ANK1: variants seen among roughly 807,000 people sequenced by gnomAD.
ANK1 encodes ankyrin 1.
Under a neutral mutation model 210.4 loss-of-function variants are expected in ANK1, and 51 were observed. The ratio of observed to expected loss-of-function variants is 0.24; its 90% CI spans 0.19 to 0.31. The LOEUF is 0.31. Ranked by LOEUF, ANK1 falls within the 10% of genes least tolerant of loss-of-function variation. The pLI is 1.00. For missense variants in ANK1, 2,051 were observed against 2,504.4 expected, an observed-to-expected ratio of 0.82 and a Z score of 3.86; for synonymous variants, 967 against 1,025.9, an observed-to-expected ratio of 0.94 and a Z score of 1.10.
intron 1 of ANK1, among the ~76,000 whole-genome samples, chr8:41,883,675 G>C (rs1334565857): frequency 6.6e-6 from 1 of 152,134 alleles, no homozygotes; most frequent in Non-Finnish European, 1.5e-5. Context: ...GCCCAGGCTG[G>C]TCTTGAACTC....
chr8:41,809,166 AC>A (rs1802090157), intron 1 of ANK1, among the ~76,000 whole-genome samples: 2 of 152,154 alleles, frequency 1.3e-5, no homozygotes. Context: ...CTCATGCCTT[AC>A]GGGTCTTTTT....
rs567705855 is a variant in ANK1, at chr8:41,698,837, C to T, written c.2558+615G>A. Among the ~76,000 whole-genome samples, 9 of 151,956 alleles carry T rather than the reference C, an allele frequency of 5.9e-5. No individual in the cohort carries two copies. In the South Asian group the frequency reaches 1.2e-3, roughly 21 times the overall value. On this transcript the variant is annotated intron_variant, in intron 23 of 42. Transcript: ENST00000289734. ...TTGAGATGGAGTTTCGCTCTTGTTG[C>T]CCAGGCTGGAGTGCAGTGGCGCGAT... is the stretch of plus-strand genomic sequence containing the variant.
Position 41,885,059 on chromosome 8 carries a change from T to C in ANK1, c.126+11296A>G, listed in dbSNP as rs1388582837. On this transcript the variant is annotated intron_variant, in intron 1 of 42. Coordinates refer to the ANK1 transcript ENST00000265709. Reference sequence around the variant, plus strand: ...AGGGAAGTGACAACTATCACATTTGTGTTTGAAAAAAAAAAAGGGGCTCTC... The same window carrying C: ...AGGGAAGTGACAACTATCACATTTGCGTTTGAAAAAAAAAAAGGGGCTCTC... 2.7e-5 allele frequency among the ~76,000 whole-genome samples: 4 copies of C among 150,666 alleles called. No individual in the cohort carries two copies. The East Asian group carries it at 7.8e-4, about 29-fold the overall frequency.
At chr8:41,775,564 C>T (rs1375308800) in intron 1 of ANK1, among the ~76,000 whole-genome samples, 1 of 152,180 alleles carries the variant, frequency 6.6e-6, no homozygotes, top group Non-Finnish European at 1.5e-5. Flanking sequence ...GAAGGGGGAA[C>T]TGATTTGAAG....
intron 7 of ANK1, among the ~76,000 whole-genome samples, chr8:41,723,850 C>G (rs531337196): frequency 1.3e-5 from 2 of 148,530 alleles, no homozygotes; most frequent in South Asian, 4.3e-4. Context: ...AGTGCAGTGG[C>G]GCGATCTCGA....
intron 2 of ANK1, among the ~76,000 whole-genome samples, chr8:41,740,411 C>T (rs562396126): frequency 7.2e-5 from 11 of 152,024 alleles, no homozygotes; most frequent in Non-Finnish European, 2.9e-5. Flanking sequence ...CTACCCGTCT[C>T]GGCCTCCCAA....
At chr8:41,776,432 C>T (rs1044128593) in intron 1 of ANK1, among the ~76,000 whole-genome samples, 1 of 152,080 alleles carries the variant, frequency 6.6e-6, no homozygotes, top group Non-Finnish European at 1.5e-5. Context: ...CCACTCCAAT[C>T]GAGTTCTCTA....
chr8:41,702,279 C>T (rs2150607411), intron 20 of ANK1, 135 bp from the exon 21 acceptor site: 3 of 680,570 alleles, frequency 4.4e-6, no homozygotes, highest in Non-Finnish European at 5.1e-6. Flanking sequence ...ACCGTGGGGC[C>T]CAGAAAGAGA....
At chr8:41,778,371 C>A (rs1844562185) in intron 1 of ANK1, among the ~76,000 whole-genome samples, 1 of 152,172 alleles carries the variant, frequency 6.6e-6, no homozygotes, top group Non-Finnish European at 1.5e-5. Flanking sequence ...TGGCTGAGAT[C>A]AGAGAGGGCT....
Position 41,702,133 on chromosome 8 carries a change from T to C in ANK1, c.2307A>G (p.Thr769=), listed in dbSNP as rs1586241239. Residue 769 remains threonine, a synonymous_variant, in exon 21 of 43, where the codon ACA becomes ACG. Transcript: ENST00000289734. ...SPNEVSSDGT[T]PLAIAKRLGY... ...CCAAGCGCTTGGCTATGGCCAGAGG[T>C]GTGGTTCCATCCTGGGGAAAGAGCA... 3.1e-6 allele frequency: 5 copies of C among 1,613,446 alleles called. No homozygotes were observed. In the African/African-American group the frequency reaches 6.7e-5, roughly 22 times the overall value.
chr8:41,889,117 G>A (rs995245143), intron 1 of ANK1, among the ~76,000 whole-genome samples: 3 of 152,186 alleles, frequency 2.0e-5, no homozygotes, highest in African/African-American at 4.8e-5. Flanking sequence ...TGGGATTACT[G>A]GCATGAGTCA....
chr8:41,852,925 AG>A (rs1480800840), intron 1 of ANK1, among the ~76,000 whole-genome samples: 1 of 152,224 alleles, frequency 6.6e-6, no homozygotes, highest in African/African-American at 2.4e-5. Flanking sequence ...CCCAGAGTTT[AG>A]CCTGAACCTC....
In ANK1 at chr8:41,704,229, G is replaced by T; in HGVS notation, c.2197-90C>A. On this transcript the variant is annotated intron_variant, in intron 19 of 42. Transcript: ENST00000289734. The surrounding 1 kb of genome is among the most constrained non-coding windows in gnomAD (Gnocchi z 4.1). ...GATAGTGCCTGCCCATCTTCGAAGT[G>T]GGACATTAATGAAATGCATTTTCCC... is the stretch of plus-strand genomic sequence containing the variant. 1 of 1,383,314 alleles carries T rather than the reference G, an allele frequency of 7.2e-7. No homozygotes were observed. Among genetic ancestry groups the T allele is most frequent in the South Asian group, 1.2e-5 (1 of 86,010 alleles). The allele number at this position is 1,383,314 out of a possible 1,614,324, so 85.7% of individuals were successfully genotyped here.
chr8:41,750,456 A>C (rs554158062), intron 2 of ANK1, among the ~76,000 whole-genome samples: 2 of 152,344 alleles, frequency 1.3e-5, no homozygotes, highest in East Asian at 3.9e-4. Flanking sequence ...AGTATGCACG[A>C]TTGCACAAGG....
chr8:41,682,980 C>T (rs892747364), intron 37 of ANK1, among the ~76,000 whole-genome samples: 1 of 152,148 alleles, frequency 6.6e-6, no homozygotes, highest in African/African-American at 2.4e-5. Flanking sequence ...AGGGGGTGGA[C>T]CTGGGGAGTG....
intron 1 of ANK1, among the ~76,000 whole-genome samples, chr8:41,845,285 T>C (rs1809805928): frequency 6.6e-6 from 1 of 151,420 alleles, no homozygotes; most frequent in Non-Finnish European, 1.5e-5. Flanking sequence ...CTGGGGAGGC[T>C]GAGGCAGGGG....
intron 1 of ANK1, among the ~76,000 whole-genome samples, chr8:41,876,093 C>G (rs1408535851): frequency 1.3e-5 from 2 of 152,060 alleles, no homozygotes; most frequent in African/African-American, 4.8e-5. Flanking sequence ...ACGCCTCCTG[C>G]CCAAATATAG....
rs1202167354 is a variant in ANK1, at chr8:41,694,059, T to C, written c.3371A>G (p.Asn1124Ser). The change falls in exon 29 of 43, where the codon AAC (asparagine) becomes AGC (serine). Residue 1124 changes from asparagine to serine, a missense_variant. Asn to Ser is a conservative substitution (Grantham distance 46). Transcript: ENST00000289734. The surrounding 1 kb of genome is among the most constrained non-coding windows in gnomAD (Gnocchi z 5.7). Reference protein sequence around the residue: ...PDELVTKLLGNQATFSPIVTV... With the variant: ...PDELVTKLLGSQATFSPIVTV... ...GACAATGGGGCTGAATGTGGCCTGG[T>C]TGCCCAGGAGCTTAGTGACAAGCTC... 6.2e-7 allele frequency: 1 copy of C among 1,614,038 alleles called. No individual in the cohort carries two copies. The highest frequency in any genetic ancestry group is 8.5e-7 in the Non-Finnish European group (1 of 1,179,956).
intron 2 of ANK1, among the ~76,000 whole-genome samples, chr8:41,744,353 GATGTCATTAATGGGCTATTA>G (rs1482790899): frequency 2.0e-5 from 3 of 152,164 alleles, no homozygotes; most frequent in African/African-American, 4.8e-5. Context: ...GATACAGGCA[GATGTCATTAATGGGCTATTA>G]ATGTCATTAA....
Sources: allele counts gnomAD v4.1 joint callset (sites outside exome capture counted in the v4.1 genomes callset), GRCh38; gene constraint gnomAD v4.1.1; non-coding constraint Gnocchi (gnomAD v3.1); transcripts MANE v1.5; gene names NCBI Gene and HGNC (gene_info 2026-07-23, HGNC 2026-07-21).